Variants in PPP6R2 observed in about 807,000 individuals in gnomAD.
PPP6R2 encodes the protein protein phosphatase 6 regulatory subunit 2, also known as serine/threonine-protein phosphatase 6 regulatory subunit 2.
PPP6R2 carries 62 observed loss-of-function variants against 100.2 expected under a neutral mutation model. The ratio of observed to expected loss-of-function variants is 0.62; its 90% CI spans 0.50 to 0.76. PPP6R2 has a LOEUF of 0.76. PPP6R2 is among the 30% of genes least tolerant of loss of function. The pLI is 0.00. For synonymous variants in PPP6R2, 525 were observed against 514.7 expected, an observed-to-expected ratio of 1.02 and a Z score of -0.27; for missense variants, 1,142 against 1,276.3, an observed-to-expected ratio of 0.89 and a Z score of 1.60.
the PPP6R2 span, among the ~76,000 whole-genome samples, chr22:50,336,186 C>T: frequency 3.1e-4 from 47 of 151,796 alleles, no homozygotes; most frequent in Middle Eastern, 6.8e-3. Flanking sequence ...GACGCGGTTT[C>T]ACCATGTTAG....
chr22:50,439,104 C>T (rs2148359568), intron 19 of PPP6R2, among the ~76,000 whole-genome samples: 1 of 152,292 alleles, frequency 6.6e-6, no homozygotes, highest in South Asian at 2.1e-4. Context: ...AGGCCGGCCG[C>T]CACCTTCATG....
intron 2 of PPP6R2, among the ~76,000 whole-genome samples, chr22:50,376,965 T>G (rs2051730735): frequency 6.6e-6 from 1 of 151,676 alleles, no homozygotes; most frequent in African/African-American, 2.4e-5. Context: ...AGGCGGAGCT[T>G]GCAGTGAGCC....
intron 3 of PPP6R2, among the ~76,000 whole-genome samples, chr22:50,402,685 A>G (rs2058249231): frequency 6.6e-6 from 1 of 152,026 alleles, no homozygotes; most frequent in African/African-American, 2.4e-5. Flanking sequence ...GTTATTTGAG[A>G]TGGAGTTTGA....
rs200097055 is a variant in PPP6R2 at position 50,406,885 on chromosome 22, G to T, written c.414+10G>T. 1 of 1,610,612 alleles carries T rather than the reference G, an allele frequency of 6.2e-7. No individual in the cohort carries two copies. Among genetic ancestry groups the T allele is most frequent in the Non-Finnish European group, 8.5e-7 (1 of 1,176,928 alleles). On this transcript the variant is annotated intron_variant, in intron 4 of 23. Transcript: ENST00000612753. The stretch of plus-strand genomic sequence containing the variant: ...AAGAAAAACCGAACAGGTAAATCAC[G>T]TGCAAAGCCTCCGTGACTTGGGGCA...
At chr22:50,352,284 G>A (rs2045473168) in intron 1 of PPP6R2, among the ~76,000 whole-genome samples, 1 of 152,174 alleles carries the variant, frequency 6.6e-6, no homozygotes, top group African/African-American at 2.4e-5. Flanking sequence ...TTATGGAGGT[G>A]GCTTCTTAAA....
intron 2 of PPP6R2, among the ~76,000 whole-genome samples, chr22:50,389,434 T>C (rs1203024744): frequency 6.6e-6 from 1 of 152,142 alleles, no homozygotes; most frequent in Non-Finnish European, 1.5e-5. Flanking sequence ...GTATGTAATA[T>C]TATGTTAGTA....
the PPP6R2 span, among the ~76,000 whole-genome samples, chr22:50,336,763 G>C: frequency 6.6e-6 from 1 of 151,726 alleles, no homozygotes; most frequent in Non-Finnish European, 1.5e-5. Context: ...TTGCAGTACA[G>C]TGGCGTGGTC....
rs535830108 is a variant in PPP6R2 at position 50,365,323 on chromosome 22, G to A, written c.-147-6697G>A. Reference sequence around the variant, plus strand: ...CGACCTCAGGCGATGCATCTGCCTCGGCCTCCCAAAGTGCTGGGATTACAG... The same window carrying A: ...CGACCTCAGGCGATGCATCTGCCTCAGCCTCCCAAAGTGCTGGGATTACAG... On this transcript the variant is annotated intron_variant, in intron 1 of 23. Coordinates refer to ENST00000612753, the MANE Select transcript of PPP6R2 (RefSeq NM_001242898.2). 9.2e-4 allele frequency among the ~76,000 whole-genome samples: 139 copies of A among 151,908 alleles called. 1 individual carries two copies. The Middle Eastern group carries it at 0.01, about 11-fold the overall frequency.
At chr22:50,338,317 GTGTGGTGTGTGTGTGGTATA>G (rs2042326288), upstream of PPP6R2, among the ~76,000 whole-genome samples, 4 of 148,740 alleles carry the variant, frequency 2.7e-5, no homozygotes, top group African/African-American at 7.4e-5. Flanking sequence ...TGTGTGTGGT[GTGTGGTGTGTGTGTGGTATA>G]TGTAGTGTGT....
In PPP6R2 at chr22:50,370,906, A is replaced by C. The variant is rs529566562; in HGVS notation, c.-147-1114A>C. On this transcript the variant is annotated intron_variant, in intron 1 of 23. Transcript: ENST00000612753. Reference sequence around the variant, plus strand: ...CTCGGCCTCCCAAAGTGTTGGGATTATAGGCGTGAGCCACTGCCCCCAGCC... The same window carrying C: ...CTCGGCCTCCCAAAGTGTTGGGATTCTAGGCGTGAGCCACTGCCCCCAGCC... Among the ~76,000 whole-genome samples, 4 of 152,026 alleles carry C rather than the reference A, an allele frequency of 2.6e-5. 1 individual carries two copies. The highest frequency in any genetic ancestry group is 9.7e-5 in the African/African-American group (4 of 41,270).
rs2066572162 is a variant in PPP6R2, at chr22:50,444,291, CCTT to C, written c.*45_*47del. The C allele has an allele frequency of 6.3e-7, 1 of 1,589,966 alleles. No homozygotes were observed. Among genetic ancestry groups the C allele is most frequent in the Non-Finnish European group, 8.5e-7 (1 of 1,170,422 alleles). On this transcript the variant is annotated 3_prime_UTR_variant, in exon 24 of 24. Transcript: ENST00000612753. ...ACGGCCCACCCTGGTCAGGCTGCCTCCTTAATCGAGAAAACTACCTGGTGATGC... is the reference window on the plus strand; with the variant it reads ...ACGGCCCACCCTGGTCAGGCTGCCTCAATCGAGAAAACTACCTGGTGATGC...
chr22:50,384,509 C>T (rs1362026849), intron 2 of PPP6R2, among the ~76,000 whole-genome samples: 1 of 152,070 alleles, frequency 6.6e-6, no homozygotes, highest in African/African-American at 2.4e-5. Flanking sequence ...GAGCCAAGAT[C>T]GCGCCACTGC....
At chr22:50,424,633 C>CTTTTTTTTTTTTTTT in intron 10 of PPP6R2, among the ~76,000 whole-genome samples, 1 of 74,252 alleles carries the variant, frequency 1.3e-5, no homozygotes, top group Non-Finnish European at 2.5e-5. Context: ...CCCTCTTCTT[C>CTTTTTTTTTTTTTTT]TTTTTTTTTT....
At chr22:50,337,817 C>T in the PPP6R2 span, among the ~76,000 whole-genome samples, 1 of 103,636 alleles carries the variant, frequency 9.6e-6, no homozygotes, top group East Asian at 3.1e-4. Flanking sequence ...TGTGTGCTAT[C>T]TGGGTACAGT....
intron 23 of PPP6R2, 24 bp downstream of exon 23, chr22:50,444,141 A>T (rs779547944): frequency 2.5e-6 from 4 of 1,611,826 alleles, no homozygotes; most frequent in Admixed American, 1.7e-5. Context: ...GTGTGGGGGT[A>T]GGGGGTGTGG....
chr22:50,331,333 T>C, the PPP6R2 span, among the ~76,000 whole-genome samples: 1 of 152,170 alleles, frequency 6.6e-6, no homozygotes, highest in Non-Finnish European at 1.5e-5. Context: ...GGAGTGAAAG[T>C]ATTGGGCTGT....
At position 50,444,247 on chromosome 22, in the gene PPP6R2, ATGC is replaced by A. The variant is rs760678314; in HGVS notation, c.*7_*9del. ...GAGCTGCCTTAAATGGCCCAGTGTG[ATGC>A]TGCTGCCGCCCGGCCACGGCCCACC... On this transcript the variant is annotated 3_prime_UTR_variant, in exon 24 of 24. Coordinates refer to ENST00000612753, the MANE Select transcript of PPP6R2 (RefSeq NM_001242898.2). 2 of 1,612,718 alleles carry A rather than the reference ATGC, an allele frequency of 1.2e-6. No homozygotes were observed. The highest frequency in any genetic ancestry group is 1.7e-6 in the Non-Finnish European group (2 of 1,179,770).
At chr22:50,415,696 G>T (rs2060439264) in intron 5 of PPP6R2, among the ~76,000 whole-genome samples, 1 of 152,240 alleles carries the variant, frequency 6.6e-6, no homozygotes, top group African/African-American at 2.4e-5. Flanking sequence ...AGCCTCTCCA[G>T]GGTGGAGTTA....
At chr22:50,418,034 CCT>C (rs1267445454) in intron 6 of PPP6R2, among the ~76,000 whole-genome samples, 3 of 152,178 alleles carry the variant, frequency 2.0e-5, no homozygotes, top group Non-Finnish European at 4.4e-5. Context: ...AAAGATGAGT[CCT>C]CTGTTTTCTT....
Sources: gnomAD v4.1 joint callset for allele counts (sites outside exome capture counted in the v4.1 genomes callset) on GRCh38, gnomAD v4.1.1 for gene constraint, MANE v1.5 for transcripts, NCBI Gene and HGNC (gene_info 2026-07-23, HGNC 2026-07-21) for gene names.